SLC41A3: variants seen among roughly 807,000 people sequenced by gnomAD.
SLC41A3 encodes the protein solute carrier family 41 member 3, also known as SLC41A1-like 2.
SLC41A3 carries 44 observed loss-of-function variants against 45.4 expected under a neutral mutation model. That is an observed-to-expected ratio of 0.97 (90% CI 0.76 to 1.25). SLC41A3 has a LOEUF of 1.25. SLC41A3 is among the 50% of genes most tolerant of loss of function. SLC41A3 has a pLI of 0.00. For synonymous variants in SLC41A3, 256 were observed against 252.4 expected (o/e 1.01, Z -0.13); for missense variants, 550 against 600.6 (o/e 0.92, Z 0.88).
rs75457488 is a variant in SLC41A3, at chr3:126,042,022, G to A, written c.382-8344C>T. Among the ~76,000 whole-genome samples the A allele has an allele frequency of 7.6e-3, 1,158 of 152,222 alleles. 17 individuals are homozygous for A. The highest frequency in any genetic ancestry group is 0.027 in the African/African-American group (1,118 of 41,536). ...CCACCTAATCCTAGAAAGAAAGAAG[G>A]AAAGAAAGGAATAGAACCTGCTGGC... On this transcript the variant is annotated intron_variant, in intron 3 of 10. Coordinates refer to ENST00000360370, the MANE Select transcript of SLC41A3 (RefSeq NM_017836.4).
chr3:126,013,194 G>A (rs1189427684), intron 8 of SLC41A3, among the ~76,000 whole-genome samples: 4 of 152,090 alleles, frequency 2.6e-5, no homozygotes, highest in Non-Finnish European at 5.9e-5. Context: ...TGGAATATCT[G>A]AGAAAATGAA....
At chr3:126,042,913 C>T (rs1942688872) in intron 3 of SLC41A3, among the ~76,000 whole-genome samples, 1 of 151,162 alleles carries the variant, frequency 6.6e-6, no homozygotes, top group Non-Finnish European at 1.5e-5. Context: ...TTACAGAACA[C>T]TCAATTGTAA....
chr3:126,087,939 G>A (rs935166582), upstream of SLC41A3, among the ~76,000 whole-genome samples: 1 of 151,956 alleles, frequency 6.6e-6, no homozygotes, highest in Non-Finnish European at 1.5e-5. Context: ...TACAAATATT[G>A]ACTTATTTTT....
chr3:126,013,119 G>C (rs986242629), intron 8 of SLC41A3, among the ~76,000 whole-genome samples: 2 of 152,166 alleles, frequency 1.3e-5, no homozygotes, highest in African/African-American at 2.4e-5. Context: ...AGAATAGTGT[G>C]ATAAGGCAGT....
intron 1 of SLC41A3, among the ~76,000 whole-genome samples, chr3:126,082,028 C>T (rs1250685880): frequency 3.3e-5 from 5 of 152,232 alleles, no homozygotes; most frequent in African/African-American, 4.8e-5. Flanking sequence ...CAGGGTGACC[C>T]GGGAGCAGGG....
chr3:126,019,693 G>A (rs946680285), intron 6 of SLC41A3, among the ~76,000 whole-genome samples: 1 of 152,318 alleles, frequency 6.6e-6, no homozygotes, highest in South Asian at 2.1e-4. Context: ...TATGACTCCA[G>A]AGCTTTCTCC....
intron 2 of SLC41A3, among the ~76,000 whole-genome samples, chr3:126,066,546 A>C (rs1012898080): frequency 6.6e-6 from 1 of 152,266 alleles, no homozygotes; most frequent in African/African-American, 2.4e-5. Context: ...AAAAAGGTTG[A>C]AAAAACCTGT....
intron 3 of SLC41A3, among the ~76,000 whole-genome samples, chr3:126,041,681 T>G (rs1942603901): frequency 6.6e-6 from 1 of 152,198 alleles, no homozygotes; most frequent in Non-Finnish European, 1.5e-5. Context: ...CCAACAAATC[T>G]TATCTAAAAC....
intron 4 of SLC41A3, among the ~76,000 whole-genome samples, chr3:126,027,641 G>A (rs1260812077): frequency 3.9e-5 from 6 of 152,178 alleles, no homozygotes. Context: ...GTTAGGTAAC[G>A]AGCAGAGGGT....
upstream of SLC41A3, among the ~76,000 whole-genome samples, chr3:126,085,825 G>A (rs541824904): frequency 6.6e-6 from 1 of 151,914 alleles, no homozygotes; most frequent in Non-Finnish European, 1.5e-5. Flanking sequence ...GAGTGTCTGG[G>A]GGGGGGTTGA....
At chr3:126,040,787 T>C (rs1003956763) in intron 3 of SLC41A3, among the ~76,000 whole-genome samples, 19 of 152,208 alleles carry the variant, frequency 1.2e-4, no homozygotes, top group South Asian at 2.1e-4. Flanking sequence ...TGGAGCCTCC[T>C]CTAAGGGCAG....
chr3:126,083,970 G>C (rs1278319787), intron 1 of SLC41A3, 123 bp downstream of exon 1: 1 of 147,538 alleles, frequency 6.8e-6, no homozygotes, highest in Non-Finnish European at 1.5e-5. Flanking sequence ...CCGGCGCCCG[G>C]CTCACTCGCC....
In SLC41A3 at chr3:126,026,813, C is replaced by T. The variant is rs1941392858; in HGVS notation, c.454-334G>A. 6.6e-6 allele frequency among the ~76,000 whole-genome samples: 1 copy of T among 152,184 alleles called. No homozygotes were observed. Among genetic ancestry groups the T allele is most frequent in the African/African-American group, 2.4e-5 (1 of 41,440 alleles). On this transcript the variant is annotated intron_variant, in intron 4 of 10. Transcript: ENST00000360370. The surrounding 1 kb of genome is among the most constrained non-coding windows in gnomAD (Gnocchi z 4.2). Reference sequence around the variant, plus strand: ...GCAACTCCACTCTCACTGGTCTGAGCAGAAGTCCTCTGCAACTCCCGGCAG... The same window carrying T: ...GCAACTCCACTCTCACTGGTCTGAGTAGAAGTCCTCTGCAACTCCCGGCAG...
chr3:126,055,960 G>A (rs970919974), intron 2 of SLC41A3, among the ~76,000 whole-genome samples: 4 of 152,162 alleles, frequency 2.6e-5, no homozygotes, highest in African/African-American at 9.7e-5. Flanking sequence ...AATTCTGTGA[G>A]GTGAGGGCTT....
intron 3 of SLC41A3, among the ~76,000 whole-genome samples, chr3:126,049,521 C>T (rs897420912): frequency 6.6e-6 from 1 of 152,180 alleles, no homozygotes; most frequent in Non-Finnish European, 1.5e-5. Context: ...GAAACAAACA[C>T]CTGAAATGCC....
chr3:126,029,218 A>AT (rs1231492311), intron 4 of SLC41A3, among the ~76,000 whole-genome samples: 1 of 152,266 alleles, frequency 6.6e-6, no homozygotes, highest in African/African-American at 2.4e-5. Flanking sequence ...ACCAAATCTC[A>AT]TGTCAAATTA....
chr3:126,069,050 A>T (rs184392917), intron 1 of SLC41A3, among the ~76,000 whole-genome samples: 1 of 151,282 alleles, frequency 6.6e-6, no homozygotes, highest in Admixed American at 6.6e-5. Flanking sequence ...AAATTCCCGC[A>T]CACTCTGGGC....
At chr3:126,028,198 G>C (rs927159294) in intron 4 of SLC41A3, among the ~76,000 whole-genome samples, 1 of 152,204 alleles carries the variant, frequency 6.6e-6, no homozygotes, top group African/African-American at 2.4e-5. Flanking sequence ...AGGCCTAGAA[G>C]ACATCTTAGA....
chr3:126,056,741 G>C, intron 2 of SLC41A3: 1 of 1,422,048 alleles, frequency 7.0e-7, no homozygotes, highest in Non-Finnish European at 9.2e-7. Flanking sequence ...CAGCACAGAT[G>C]AGTGAGGAAC....
Sources: gnomAD v4.1 joint callset for allele counts (sites outside exome capture counted in the v4.1 genomes callset) on GRCh38, gnomAD v4.1.1 for gene constraint, Gnocchi (gnomAD v3.1) non-coding constraint, MANE v1.5 for transcripts, NCBI Gene and HGNC (gene_info 2026-07-23, HGNC 2026-07-21) for gene names.